Variants in MTA3 observed in about 807,000 individuals in gnomAD.
MTA3 encodes metastasis associated 1 family member 3, also known as metastasis-associated protein MTA3.
A neutral mutation model predicts 83.5 loss-of-function variants in MTA3; 34 were observed. The ratio of observed to expected loss-of-function variants is 0.41; its 90% CI spans 0.31 to 0.54. The LOEUF (loss-of-function observed/expected upper bound fraction) is 0.54. Among genes scored for constraint, MTA3 ranks in the 20% least tolerant of loss-of-function variants. The pLI is 0.33. For missense variants in MTA3, 761 were observed against 726.4 expected (o/e 1.05, Z -0.55); for synonymous variants, 303 against 252.7 (o/e 1.20, Z -1.89).
intron 16 of MTA3, among the ~76,000 whole-genome samples, chr2:42,738,966 G>A (rs546913079): frequency 1.3e-5 from 2 of 152,262 alleles, no homozygotes; most frequent in Admixed American, 6.5e-5. Context: ...AATGACAATG[G>A]TGCCCGAAAC....
At position 42,615,226 on chromosome 2, in the gene MTA3, A is replaced by G. The variant is rs189406573; in HGVS notation, c.317+5642A>G. Among the ~76,000 whole-genome samples the G allele has an allele frequency of 1.5e-4, 22 of 150,786 alleles. No individual in the cohort carries two copies. The East Asian group carries it at 4.3e-3, about 29-fold the overall frequency. On this transcript the variant is annotated intron_variant, in intron 4 of 16. Coordinates refer to ENST00000405094, the MANE Select transcript of MTA3 (RefSeq NM_001330442.2). ...GAATTGCTTGACTTCATCTTAGATTATAAGGTTCTTGAAGATCTATTGTCT... is the reference window on the plus strand; with the variant it reads ...GAATTGCTTGACTTCATCTTAGATTGTAAGGTTCTTGAAGATCTATTGTCT...
intron 14 of MTA3, among the ~76,000 whole-genome samples, chr2:42,711,092 A>ATAAG (rs1666572539): frequency 6.6e-6 from 1 of 151,886 alleles, no homozygotes; most frequent in African/African-American, 2.4e-5. Context: ...AAATAAATAA[A>ATAAG]TAAAAATTAA....
chr2:42,687,244 AT>A (rs1193781524), intron 9 of MTA3, among the ~76,000 whole-genome samples: 1 of 152,148 alleles, frequency 6.6e-6, no homozygotes, highest in East Asian at 1.9e-4. Flanking sequence ...GCAACCACTG[AT>A]TTATGCTCCA....
chr2:42,692,596 T>G (rs900211035), intron 9 of MTA3, among the ~76,000 whole-genome samples: 3 of 152,058 alleles, frequency 2.0e-5, no homozygotes, highest in African/African-American at 7.2e-5. Flanking sequence ...GGCTAATTTT[T>G]TAGTATTTTT....
At chr2:42,626,199 T>C (rs1161051280) in intron 4 of MTA3, among the ~76,000 whole-genome samples, 14 of 146,626 alleles carry the variant, frequency 9.5e-5, no homozygotes, top group East Asian at 8.5e-4. Flanking sequence ...CGCCTCGGCC[T>C]CCCAAAGTGC....
chr2:42,722,185 C>T (rs535903028), intron 15 of MTA3, among the ~76,000 whole-genome samples: 9 of 152,266 alleles, frequency 5.9e-5, no homozygotes, highest in African/African-American at 1.9e-4. Flanking sequence ...AATCCAGTTC[C>T]TACAGTGTTA....
chr2:42,748,219 G>C (rs1334722070), intron 16 of MTA3, among the ~76,000 whole-genome samples: 1 of 151,280 alleles, frequency 6.6e-6, no homozygotes, highest in Non-Finnish European at 1.5e-5. Context: ...GTGTGTGTGT[G>C]TGTGTGTGTG....
chr2:42,616,357 G>A (rs1455828618), intron 4 of MTA3, among the ~76,000 whole-genome samples: 1 of 150,646 alleles, frequency 6.6e-6, no homozygotes, highest in East Asian at 2.0e-4. Context: ...GCCATTGCAC[G>A]CCTGGCCTAG....
intron 2 of MTA3, among the ~76,000 whole-genome samples, chr2:42,523,720 T>G (rs1028854841): frequency 1.3e-5 from 2 of 151,984 alleles, no homozygotes; most frequent in Admixed American, 1.3e-4. Context: ...TCAGACCAGT[T>G]TGGGCAATGT....
intron 2 of MTA3, among the ~76,000 whole-genome samples, chr2:42,548,878 T>TATATATA (rs1676931384): frequency 3.5e-4 from 4 of 11,292 alleles, no homozygotes; most frequent in Admixed American, 1.6e-3. Flanking sequence ...ATATATATAA[T>TATATATA]ATATATATAT....
chr2:42,742,487 A>T (rs926301169), intron 16 of MTA3, among the ~76,000 whole-genome samples: 1 of 152,190 alleles, frequency 6.6e-6, no homozygotes, highest in African/African-American at 2.4e-5. Flanking sequence ...TGTAAAGCTC[A>T]TCTGCCGATA....
chr2:42,726,795 G>A (rs1667852131), intron 16 of MTA3, among the ~76,000 whole-genome samples: 1 of 152,200 alleles, frequency 6.6e-6, no homozygotes, highest in Non-Finnish European at 1.5e-5. Context: ...TATGGACTGG[G>A]TGCAGATAGT....
At chr2:42,707,134 G>C (rs1218861747) in intron 12 of MTA3, among the ~76,000 whole-genome samples, 1 of 152,074 alleles carries the variant, frequency 6.6e-6, no homozygotes, top group African/African-American at 2.4e-5. Flanking sequence ...CTGGCTGACA[G>C]ATACCTGTTT....
intron 2 of MTA3, among the ~76,000 whole-genome samples, chr2:42,554,741 G>A (rs185719032): frequency 6.4e-4 from 97 of 152,302 alleles, no homozygotes; most frequent in Non-Finnish European, 1.2e-3. Context: ...CTCCCTCACA[G>A]CCTCTCTGAG....
intron 2 of MTA3, among the ~76,000 whole-genome samples, chr2:42,521,141 A>G (rs1032195487): frequency 2.0e-5 from 3 of 152,168 alleles, no homozygotes; most frequent in African/African-American, 7.2e-5. Context: ...TGTCACTTCC[A>G]AGATTTGGTT....
At chr2:42,561,823 T>C (rs1470177079) in intron 2 of MTA3, among the ~76,000 whole-genome samples, 2 of 152,222 alleles carry the variant, frequency 1.3e-5, no homozygotes, top group East Asian at 3.8e-4. Flanking sequence ...GTATACTGTA[T>C]ACTGCTCTAA....
rs547784365 is a variant in MTA3 at position 42,736,366 on chromosome 2, G to T, written c.1759+13331G>T. Among the ~76,000 whole-genome samples the T allele has an allele frequency of 3.9e-5, 6 of 152,262 alleles. No individual in the cohort carries two copies. In the South Asian group the frequency reaches 1.2e-3, roughly 32 times the overall value. On this transcript the variant is annotated intron_variant, in intron 16 of 16. Transcript: ENST00000405094. Reference sequence around the variant, plus strand: ...GCACCCCTGTGGCGACTACCACTGGGACAGCTCTGTGTCAGACCTGAAGCC... The same window carrying T: ...GCACCCCTGTGGCGACTACCACTGGTACAGCTCTGTGTCAGACCTGAAGCC...
intron 2 of MTA3, among the ~76,000 whole-genome samples, chr2:42,535,710 A>G (rs1457746054): frequency 6.8e-6 from 1 of 148,080 alleles, no homozygotes; most frequent in Non-Finnish European, 1.5e-5. Context: ...GAAGAGGAGA[A>G]TGAATGTTGG....
At position 42,756,468 on chromosome 2, in the gene MTA3, G is replaced by A; in HGVS notation, c.*3069G>A. 1.0e-5 allele frequency: 10 copies of A among 985,568 alleles called. No homozygotes were observed. The highest frequency in any genetic ancestry group is 1.2e-5 in the Non-Finnish European group (10 of 830,050). The allele number at this position is 985,568 out of a possible 1,614,324, so 61.1% of individuals were successfully genotyped here. A position where few individuals can be genotyped will look rare whatever the true frequency, so the allele number is the denominator to read the frequency against. ...AGAGCAGGGGGCTGAGGGCAAGCAG[G>A]TGGGGCTGTGCGTGGCCTCAGTGCA... On this transcript the variant is annotated 3_prime_UTR_variant, in exon 17 of 17. Coordinates refer to ENST00000405094, the MANE Select transcript of MTA3 (RefSeq NM_001330442.2).
Sources: allele counts gnomAD v4.1 joint callset (sites outside exome capture counted in the v4.1 genomes callset), GRCh38; gene constraint gnomAD v4.1.1; transcripts MANE v1.5; gene names NCBI Gene and HGNC (gene_info 2026-07-23, HGNC 2026-07-21).